The following NAV1 variants were observed in gnomAD, a reference collection of about 807,000 sequenced individuals.
NAV1 encodes pore membrane and/or filament interacting like protein 3.
Under a neutral mutation model 175.2 loss-of-function variants are expected in NAV1, and 18 were observed. That is an observed-to-expected ratio of 0.10 (90% CI 0.07 to 0.15). The LOEUF is 0.15. Among genes scored for constraint, NAV1 ranks in the 10% least tolerant of loss-of-function variants. NAV1 has a pLI of 1.00. For synonymous variants in NAV1, 897 were observed against 978.7 expected (o/e 0.92, Z 1.56); for missense variants, 1,731 against 2,436.6 (o/e 0.71, Z 6.10).
chr1:201,702,305 A>G (rs776262533), intron 1 of NAV1, among the ~76,000 whole-genome samples: 1 of 152,232 alleles, frequency 6.6e-6, no homozygotes, highest in Non-Finnish European at 1.5e-5. Context: ...TTAGATAGTG[A>G]TGATGGTTGT....
intron 3 of NAV1, chr1:201,723,296 G>T (rs1672468816): frequency 6.6e-6 from 1 of 152,160 alleles, no homozygotes; most frequent in African/African-American, 2.4e-5. Context: ...TTCTTTTTGA[G>T]TGTTAAGAGT....
At chr1:201,615,047 G>C (rs537900668) in intron 2 of NAV1, among the ~76,000 whole-genome samples, 5 of 152,284 alleles carry the variant, frequency 3.3e-5, no homozygotes, top group African/African-American at 1.2e-4. Context: ...TGGAAAGGGA[G>C]GAGAGAGAAA....
At chr1:201,793,998 C>A in intron 14 of NAV1, 123 bp downstream of exon 18, 1 of 800,902 alleles carries the variant, frequency 1.2e-6, no homozygotes, top group Non-Finnish European at 2.1e-6. Flanking sequence ...CTCACTGTCA[C>A]CCTGGATTCT....
intron 2 of NAV1, 77 bp downstream of exon 6, chr1:201,712,996 G>A (rs568808572): frequency 1.3e-4 from 149 of 1,104,438 alleles, no homozygotes; most frequent in Admixed American, 1.7e-4. Context: ...CAGGGCCCCC[G>A]GGTCCCTCCA....
rs747765578 is a variant in NAV1 at position 201,718,568 on chromosome 1, A to G, written c.1039A>G (p.Met347Val). ...CTCGGAGGGGACGCCCGCCTGGTAC[A>G]TGCACGGCGAACGGGCCCACTACTC... is the stretch of plus-strand genomic sequence containing the variant. The change falls in exon 3 of 30, where the codon ATG becomes GTG. Residue 347 changes from methionine (M) to valine (V), a missense_variant. This residue lies in a region of NAV1 where 487 missense variants were observed against 581.3 expected (regional missense o/e 0.84). Coordinates refer to ENST00000367296, the Ensembl canonical transcript of NAV1. This position sits in a 1 kb window ranked among gnomAD's most constrained non-coding sequence, Gnocchi z 4.8. The G allele has an allele frequency of 3.7e-6, 6 of 1,614,040 alleles. No homozygotes were observed. In the East Asian group the frequency reaches 8.9e-5, roughly 24 times the overall value.
chr1:201,680,156 G>T (rs2102396885), intron 1 of NAV1, among the ~76,000 whole-genome samples: 1 of 152,302 alleles, frequency 6.6e-6, no homozygotes, highest in Non-Finnish European at 1.5e-5. Context: ...ATGGCAGAAG[G>T]TGAACGGGGA....
chr1:201,771,256 C>A (rs59421698), intron 3 of NAV1, among the ~76,000 whole-genome samples: 2,778 of 79,038 alleles, frequency 0.035, 120 homozygotes, highest in African/African-American at 0.12. Flanking sequence ...AAAAAAAAAA[C>A]ATCTGGTGAT....
intron 2 of NAV1, among the ~76,000 whole-genome samples, chr1:201,639,228 A>G (rs960472968): frequency 2.6e-5 from 4 of 152,210 alleles, no homozygotes; most frequent in Admixed American, 6.5e-5. Context: ...AGAGTGGGGA[A>G]GGGCTTGAGT....
intron 2 of NAV1, among the ~76,000 whole-genome samples, chr1:201,632,980 T>C (rs1040036791): frequency 1.3e-5 from 2 of 152,206 alleles, no homozygotes; most frequent in Non-Finnish European, 2.9e-5. Context: ...AACTACTCTC[T>C]GGGAGAGAAG....
intron 3 of NAV1, among the ~76,000 whole-genome samples, chr1:201,779,158 C>T (rs142946004): frequency 2.9e-3 from 439 of 152,120 alleles, no homozygotes; most frequent in African/African-American, 0.01. Flanking sequence ...AGACAGAATT[C>T]GAGCTTAGAA....
rs78204016 is a variant in NAV1 at position 201,744,833 on chromosome 1, G to A, written c.1226+26078G>A. The stretch of plus-strand genomic sequence containing the variant: ...CTCTGCCTAGACCCATCATCACTGT[G>A]CCTTCATCAGTCACACAGACTTCAT... On this transcript the variant is annotated intron_variant, in intron 3 of 29. Transcript: ENST00000367296. 0.01 allele frequency among the ~76,000 whole-genome samples: 1,533 copies of A among 152,302 alleles called. 50 individuals are homozygous for A. In the East Asian group the frequency reaches 0.11, roughly 11 times the overall value.
rs768313652 is a variant in NAV1 at position 201,782,188 on chromosome 1, G to A, written c.1676G>A (p.Gly559Asp). ...CGTCCTCTTGCAGGCAAACCTGAGG[G>A]CAAAGCTACAGACAAGGGTAAGCTT... Residue 559 changes from glycine to aspartate, a missense_variant, in exon 6 of 30, where the codon GGC becomes GAC. Transcript: ENST00000367296. This position sits in a 1 kb window ranked among gnomAD's most constrained non-coding sequence, Gnocchi z 5.4. 19 of 1,589,056 alleles carry A rather than the reference G, an allele frequency of 1.2e-5. No homozygotes were observed. In the South Asian group the frequency reaches 2.1e-4, roughly 17 times the overall value.
chr1:201,785,671 G>T (rs928411407), intron 8 of NAV1, among the ~76,000 whole-genome samples: 1 of 151,776 alleles, frequency 6.6e-6, no homozygotes, highest in African/African-American at 2.4e-5. Flanking sequence ...TTCCCTAAAA[G>T]TATGAGGGAG....
intron 3 of NAV1, among the ~76,000 whole-genome samples, chr1:201,720,009 T>C (rs1351025999): frequency 6.6e-6 from 1 of 152,210 alleles, no homozygotes; most frequent in Non-Finnish European, 1.5e-5. Flanking sequence ...GACGCATGAA[T>C]GGAGTTGTTT....
At chr1:201,786,315 T>C in intron 8 of NAV1, 114 bp from the exon 13 acceptor site, 1 of 1,115,624 alleles carries the variant, frequency 9.0e-7, no homozygotes, top group East Asian at 2.4e-5. Flanking sequence ...CTCTTTTCCA[T>C]GTCCTGCTTT....
intron 2 of NAV1, among the ~76,000 whole-genome samples, chr1:201,596,323 G>A (rs529208491): frequency 6.6e-6 from 1 of 152,174 alleles, no homozygotes; most frequent in African/African-American, 2.4e-5. Context: ...TAGTCCAAGG[G>A]CTTCCTGATG....
intron 2 of NAV1, among the ~76,000 whole-genome samples, chr1:201,607,120 T>C (rs915385019): frequency 8.0e-5 from 11 of 137,700 alleles, no homozygotes; most frequent in South Asian, 4.7e-4. Context: ...TTTTTCTTTT[T>C]TTTTTTTTTT....
rs1368191497 is a variant in NAV1 at position 201,787,719 on chromosome 1, T to C, written c.2996-749T>C. On this transcript the variant is annotated intron_variant, in intron 9 of 29. Coordinates refer to ENST00000367296, the Ensembl canonical transcript of NAV1. The surrounding 1 kb of genome is among the most constrained non-coding windows in gnomAD (Gnocchi z 4.3). ...GCAGAAGAATAGACAAGGGAGCTCCTTGTGGGTATGAAACCCTGAAAGGCT... is the reference window on the plus strand; with the variant it reads ...GCAGAAGAATAGACAAGGGAGCTCCCTGTGGGTATGAAACCCTGAAAGGCT... 1 of 456,060 alleles carries C rather than the reference T, an allele frequency of 2.2e-6. No individual in the cohort carries two copies. Among genetic ancestry groups the C allele is most frequent in the Non-Finnish European group, 4.4e-6 (1 of 226,902 alleles). 28.3% of individuals were successfully genotyped at this position (456,060 alleles called of 1,614,324 possible).
intron 2 of NAV1, among the ~76,000 whole-genome samples, chr1:201,613,076 G>A (rs1217569379): frequency 6.6e-6 from 1 of 152,134 alleles, no homozygotes; most frequent in African/African-American, 2.4e-5. Flanking sequence ...GGGGTCCAGG[G>A]ATTCTGTCCG....
Sources: gnomAD v4.1 joint callset for allele counts (sites outside exome capture counted in the v4.1 genomes callset) on GRCh38, gnomAD v4.1.1 for gene constraint, gnomAD v4.1.1 regional missense constraint, Gnocchi (gnomAD v3.1) non-coding constraint, MANE v1.5 for transcripts, NCBI Gene and HGNC (gene_info 2026-07-23, HGNC 2026-07-21) for gene names.